CDKL3: variants seen among roughly 807,000 people sequenced by gnomAD.
The protein encoded by CDKL3 is cyclin-dependent kinase-like 3.
Under a neutral mutation model 69.3 loss-of-function variants are expected in CDKL3, and 65 were observed. The observed-to-expected ratio is 0.94, with a 90% confidence interval of 0.77 to 1.15. The LOEUF (loss-of-function observed/expected upper bound fraction) is 1.15, where lower values mean the gene tolerates loss of function less well. CDKL3 is among the 50% of genes most tolerant of loss of function. The pLI, the probability that CDKL3 is intolerant of heterozygous loss-of-function variation, is 0.00. For missense variants in CDKL3, 652 were observed against 689.2 expected (o/e 0.95, Z 0.61); for synonymous variants, 202 against 221.6 (o/e 0.91, Z 0.79).
chr5:134,316,448 A>C (rs925846022), intron 6 of CDKL3, among the ~76,000 whole-genome samples: 10 of 152,134 alleles, frequency 6.6e-5, no homozygotes, highest in Admixed American at 1.3e-4. Flanking sequence ...AAATACAAAA[A>C]TTAGCCAGGC....
intron 7 of CDKL3, among the ~76,000 whole-genome samples, chr5:134,309,479 A>G (rs1768798247): frequency 6.6e-6 from 1 of 152,124 alleles, no homozygotes; most frequent in Non-Finnish European, 1.5e-5. Flanking sequence ...TATTGGAGAG[A>G]GATTATTTTG....
chr5:134,344,173 T>G (rs1266109285), intron 4 of CDKL3, among the ~76,000 whole-genome samples: 1 of 152,226 alleles, frequency 6.6e-6, no homozygotes, highest in East Asian at 1.9e-4. Flanking sequence ...GACTTGAATG[T>G]AAGAGCTAAA....
intron 7 of CDKL3, among the ~76,000 whole-genome samples, chr5:134,310,122 TGCCCA>T (rs1769013967): frequency 6.6e-6 from 1 of 151,530 alleles, no homozygotes; most frequent in South Asian, 2.1e-4. Flanking sequence ...TCAGCTACCA[TGCCCA>T]GCCAATAACT....
intron 7 of CDKL3, among the ~76,000 whole-genome samples, chr5:134,309,868 G>A (rs1005063282): frequency 2.0e-5 from 3 of 152,162 alleles, no homozygotes; most frequent in Non-Finnish European, 4.4e-5. Flanking sequence ...GTCTCTCTCT[G>A]TTGCCCAGGC....
chr5:134,363,751 G>A lies in CDKL3; in HGVS notation c.165+2608C>T, dbSNP rs1253045224. On this transcript the variant is annotated intron_variant, in intron 2 of 12. Transcript: ENST00000265334. ...GCTAGGATTACTGGCGTGAACCACCGCGCCCAGCGTAGAGCCATTCTAATA... is the reference window on the plus strand; with the variant it reads ...GCTAGGATTACTGGCGTGAACCACCACGCCCAGCGTAGAGCCATTCTAATA... Among the ~76,000 whole-genome samples, 18 of 151,838 alleles carry A rather than the reference G, an allele frequency of 1.2e-4. No individual in the cohort carries two copies. The South Asian group carries it at 3.3e-3, about 28-fold the overall frequency.
chr5:134,332,753 C>G (rs1581052767), intron 4 of CDKL3, among the ~76,000 whole-genome samples: 1 of 152,172 alleles, frequency 6.6e-6, no homozygotes, highest in Non-Finnish European at 1.5e-5. Context: ...GTTCTTTTTG[C>G]TTAGGATTGT....
In CDKL3 at chr5:134,298,447, T is replaced by A; in HGVS notation, c.*204A>T. 1 of 1,343,000 alleles carries A rather than the reference T, an allele frequency of 7.4e-7. No individual in the cohort carries two copies. Among genetic ancestry groups the A allele is most frequent in the East Asian group, 2.8e-5 (1 of 35,300 alleles). 83.2% of individuals were successfully genotyped at this position (1,343,000 alleles called of 1,614,324 possible). A position where few individuals can be genotyped will look rare whatever the true frequency, so the allele number is the denominator to read the frequency against. The stretch of plus-strand genomic sequence containing the variant: ...AGTAGGCAGAGAAGAGATGACTTTA[T>A]AATTCCAAATCAAATTATCACATCA... On this transcript the variant is annotated 3_prime_UTR_variant, in exon 13 of 13. Transcript: ENST00000265334.
chr5:134,307,943 C>A, intron 9 of CDKL3, 195 bp downstream of exon 9: 1 of 745,818 alleles, frequency 1.3e-6, no homozygotes, highest in Non-Finnish European at 1.9e-6. Flanking sequence ...ATTTAAACAT[C>A]TATATGGCCA....
intron 6 of CDKL3, among the ~76,000 whole-genome samples, chr5:134,316,541 G>A (rs375280914): frequency 6.6e-6 from 1 of 151,420 alleles, no homozygotes; most frequent in East Asian, 1.9e-4. Flanking sequence ...AGGTTGCAGT[G>A]AGCTGAGATC....
chr5:134,320,343 T>C (rs955412651), intron 5 of CDKL3, among the ~76,000 whole-genome samples: 4 of 152,126 alleles, frequency 2.6e-5, no homozygotes, highest in Admixed American at 6.6e-5. Flanking sequence ...TGGCCAGCCA[T>C]GGTGGCTCAC....
chr5:134,304,961 C>T (rs1383514163), intron 10 of CDKL3, among the ~76,000 whole-genome samples: 1 of 151,442 alleles, frequency 6.6e-6, no homozygotes, highest in Non-Finnish European at 1.5e-5. Flanking sequence ...GCACATACCA[C>T]CATGCCTGGT....
At chr5:134,360,286 C>A (rs149023684) in intron 2 of CDKL3, among the ~76,000 whole-genome samples, 195 bp from the exon 3 acceptor site, 1 of 152,122 alleles carries the variant, frequency 6.6e-6, no homozygotes, top group African/African-American at 2.4e-5. Flanking sequence ...CTCAGTGCAA[C>A]CTCCACCACC....
At chr5:134,297,819 T>A (rs1765440739), downstream of CDKL3, among the ~76,000 whole-genome samples, 1 of 151,304 alleles carries the variant, frequency 6.6e-6, no homozygotes, top group South Asian at 2.1e-4. Flanking sequence ...CGACCTCAGG[T>A]GATCTGCCCA....
chr5:134,283,615 TTG>T (rs1764726238), downstream of CDKL3, among the ~76,000 whole-genome samples: 2 of 152,122 alleles, frequency 1.3e-5, no homozygotes, highest in South Asian at 4.1e-4. Flanking sequence ...AAGATGAGAT[TTG>T]TGTGGGTACA....
intron 12 of CDKL3, among the ~76,000 whole-genome samples, chr5:134,300,379 G>C (rs1451596761): frequency 1.3e-5 from 2 of 152,026 alleles, no homozygotes; most frequent in Admixed American, 6.6e-5. Context: ...AAGTAAACCT[G>C]AGAAGTGCTT....
At chr5:134,360,586 T>C (rs1450079831) in intron 2 of CDKL3, among the ~76,000 whole-genome samples, 2 of 152,232 alleles carry the variant, frequency 1.3e-5, no homozygotes, top group African/African-American at 4.8e-5. Flanking sequence ...CATTTTATAA[T>C]CAATATTTAT....
intron 1 of CDKL3, among the ~76,000 whole-genome samples, chr5:134,366,746 C>T (rs1466848703): frequency 6.6e-6 from 1 of 151,956 alleles, no homozygotes; most frequent in African/African-American, 2.4e-5. Context: ...GAGGCTCCAC[C>T]TCTCACCAGA....
chr5:134,287,863 G>A (rs1017282219), intron 8 of CDKL3, among the ~76,000 whole-genome samples: 1 of 150,236 alleles, frequency 6.7e-6, no homozygotes, highest in Admixed American at 6.6e-5. Context: ...TCATCTTCTC[G>A]ACACCTTACC....
intron 12 of CDKL3, chr5:134,302,014 A>G (rs1766479035): frequency 5.2e-6 from 2 of 381,918 alleles, no homozygotes; most frequent in Non-Finnish European, 5.2e-6. Context: ...GCTCAGCACA[A>G]TCTCTCTCTC....
Sources: allele counts gnomAD v4.1 joint callset (sites outside exome capture counted in the v4.1 genomes callset), GRCh38; gene constraint gnomAD v4.1.1; transcripts MANE v1.5; gene names NCBI Gene and HGNC (gene_info 2026-07-23, HGNC 2026-07-21).